The following NEDD4 variants were observed in gnomAD, a reference collection of about 807,000 sequenced individuals.
The protein encoded by NEDD4 is E3 ubiquitin-protein ligase NEDD4.
A neutral mutation model predicts 144.9 loss-of-function variants in NEDD4; 99 were observed. That is an observed-to-expected ratio of 0.68 (90% CI 0.58 to 0.81). NEDD4 has a LOEUF of 0.81. Ranked by LOEUF, NEDD4 falls within the 30% of genes least tolerant of loss-of-function variation. The pLI is 0.00. For synonymous variants in NEDD4, 318 were observed against 350.6 expected (o/e 0.91, Z 1.04); for missense variants, 985 against 1,065.9 (o/e 0.92, Z 1.06).
chr15:55,890,601 T>A (rs879107249), intron 5 of NEDD4, among the ~76,000 whole-genome samples: 3 of 152,240 alleles, frequency 2.0e-5, no homozygotes, highest in Non-Finnish European at 1.5e-5. Flanking sequence ...TTTGGGTTGT[T>A]TCAACTGTTT....
intron 19 of NEDD4, among the ~76,000 whole-genome samples, 198 bp downstream of exon 19, chr15:55,841,736 T>A (rs2033514396): frequency 6.6e-6 from 1 of 152,004 alleles, no homozygotes; most frequent in South Asian, 2.1e-4. Context: ...CACGCCTGGG[T>A]AAGTTTTTGT....
chr15:55,845,919 G>T (rs1443095269), intron 18 of NEDD4, among the ~76,000 whole-genome samples: 1 of 151,320 alleles, frequency 6.6e-6, no homozygotes, highest in African/African-American at 2.4e-5. Context: ...CGGAGTAGCC[G>T]GGATTAAAGG....
At chr15:55,984,033 T>C (rs1424679057) in intron 1 of NEDD4, among the ~76,000 whole-genome samples, 1 of 152,214 alleles carries the variant, frequency 6.6e-6, no homozygotes, top group African/African-American at 2.4e-5. Flanking sequence ...GTATATTCTA[T>C]ATCATTATAC....
intron 24 of NEDD4, among the ~76,000 whole-genome samples, chr15:55,836,190 G>A (rs2033184818): frequency 6.6e-6 from 1 of 151,950 alleles, no homozygotes; most frequent in Non-Finnish European, 1.5e-5. Context: ...CTTCTCTTCT[G>A]TGCTCACCTA....
intron 4 of NEDD4, among the ~76,000 whole-genome samples, chr15:55,940,420 A>C (rs2036976127): frequency 6.6e-6 from 1 of 152,044 alleles, no homozygotes; most frequent in African/African-American, 2.4e-5. Context: ...TAAATCAGTT[A>C]AAATTTTGTT....
At chr15:55,875,583 G>A (rs1373469705) in intron 5 of NEDD4, among the ~76,000 whole-genome samples, 1 of 152,096 alleles carries the variant, frequency 6.6e-6, no homozygotes, top group East Asian at 1.9e-4. Context: ...CTCCCAAAGT[G>A]CTGGGATTAC....
chr15:55,869,859 A>T (rs1377750025), intron 7 of NEDD4, among the ~76,000 whole-genome samples, 178 bp from the exon 8 acceptor site: 2 of 142,786 alleles, frequency 1.4e-5, no homozygotes, highest in Non-Finnish European at 3.1e-5. Context: ...AAAGGCAAAC[A>T]TATATAAATA....
chr15:55,981,122 A>C (rs556914268), intron 1 of NEDD4, among the ~76,000 whole-genome samples: 83 of 150,218 alleles, frequency 5.5e-4, no homozygotes, highest in Non-Finnish European at 8.7e-4. Flanking sequence ...CACTGCTCGC[A>C]ATGTCTACCT....
At chr15:55,956,328 A>C (rs905116912) in intron 2 of NEDD4, among the ~76,000 whole-genome samples, 3 of 152,148 alleles carry the variant, frequency 2.0e-5, no homozygotes, top group African/African-American at 7.2e-5. Context: ...GTTCCTTTCA[A>C]CATTTTTCTT....
chr15:55,849,359 G>C (rs2033885083), intron 14 of NEDD4, among the ~76,000 whole-genome samples: 1 of 152,060 alleles, frequency 6.6e-6, no homozygotes, highest in African/African-American at 2.4e-5. Flanking sequence ...TGAGTAGCTG[G>C]GATTACAGGC....
At chr15:55,859,246 C>T (rs1489747951) in intron 11 of NEDD4, among the ~76,000 whole-genome samples, 5 of 152,176 alleles carry the variant, frequency 3.3e-5, no homozygotes, top group South Asian at 2.1e-4. Flanking sequence ...AAGTTCTCAT[C>T]GTGGAAGCAT....
Position 55,915,492 on chromosome 15 carries a change from T to C in NEDD4, c.291+9154A>G, listed in dbSNP as rs750212142. ...TCTTCGTAAAATACCATGGTTTTTGTTCATCTGTGAATGTGGTCTTTCCAA... is the reference window on the plus strand; with the variant it reads ...TCTTCGTAAAATACCATGGTTTTTGCTCATCTGTGAATGTGGTCTTTCCAA... On this transcript the variant is annotated intron_variant, in intron 5 of 28. Transcript: ENST00000435532. 2 of 1,613,754 alleles carry C rather than the reference T, an allele frequency of 1.2e-6. No homozygotes were observed. Among genetic ancestry groups the C allele is most frequent in the Non-Finnish European group, 1.7e-6 (2 of 1,179,842 alleles).
rs1251028782 is a variant in NEDD4 at position 55,993,582 on chromosome 15, G to A, written c.-27C>T. The A allele has an allele frequency of 1.1e-5, 17 of 1,589,892 alleles. No individual in the cohort carries two copies. The highest frequency in any genetic ancestry group is 1.4e-5 in the Non-Finnish European group (16 of 1,170,978). On this transcript the variant is annotated 5_prime_UTR_variant, in exon 1 of 29. Transcript: ENST00000435532. ...TCCGAACGCTTCCAGCAAACCGGAC[G>A]CGCTCGCCCCCGCCCAGGGCAGGCA...
At chr15:55,988,630 A>T (rs2037937368) in intron 1 of NEDD4, among the ~76,000 whole-genome samples, 1 of 152,168 alleles carries the variant, frequency 6.6e-6, no homozygotes, top group African/African-American at 2.4e-5. Context: ...AGTAACATTT[A>T]TCAAAATTTG....
Position 55,847,676 on chromosome 15 carries a change from CTTT to C in NEDD4, c.1543-645_1543-643del, listed in dbSNP as rs149696600. Among the ~76,000 whole-genome samples the C allele has an allele frequency of 1.8e-3, 209 of 113,544 alleles. 1 individual carries two copies. The South Asian group carries it at 0.024, about 13-fold the overall frequency. The allele number at this position is 113,544 out of a possible 152,430, so 74.5% of individuals were successfully genotyped here. On this transcript the variant is annotated intron_variant, in intron 17 of 28. Coordinates refer to ENST00000435532, the MANE Select transcript of NEDD4 (RefSeq NM_006154.4). ...TTACAATGATTTCTTTTTCTTTTTC[CTTT>C]TTTTTTTTTTTTTTTGAGATGGAGT...
chr15:55,916,722 CT>C, intron 5 of NEDD4: 1 of 1,614,012 alleles, frequency 6.2e-7, no homozygotes, highest in East Asian at 2.2e-5. Context: ...CCGTGTTGGT[CT>C]TTTGAAGCAC....
chr15:55,993,543 C>T lies in NEDD4; in HGVS notation c.13G>A (p.Ala5Thr), dbSNP rs1171720370. 3.8e-6 allele frequency: 6 copies of T among 1,596,632 alleles called. No homozygotes were observed. Among genetic ancestry groups the T allele is most frequent in the Admixed American group, 3.4e-5 (2 of 58,100 alleles). The stretch of plus-strand genomic sequence containing the variant: ...TCCAGGAGCCCGAACACCTCCACCG[C>T]GCAAGTTGCCATTTCCGAACGCTTC... MATCAVEVFGLLEDE... is the reference protein window; with the variant it reads MATCTVEVFGLLEDE... Residue 5 changes from alanine (A) to threonine (T), a missense_variant, in exon 1 of 29, where the codon GCG becomes ACG. Coordinates refer to ENST00000435532, the MANE Select transcript of NEDD4 (RefSeq NM_006154.4).
At chr15:55,901,947 G>A (rs945104419) in intron 5 of NEDD4, among the ~76,000 whole-genome samples, 6 of 151,994 alleles carry the variant, frequency 3.9e-5, no homozygotes, top group Non-Finnish European at 5.9e-5. Flanking sequence ...CCAGGATTTG[G>A]AAAAGCTATA....
At chr15:55,919,049 A>G (rs1459610558) in intron 5 of NEDD4, among the ~76,000 whole-genome samples, 1 of 152,168 alleles carries the variant, frequency 6.6e-6, no homozygotes, top group Non-Finnish European at 1.5e-5. Flanking sequence ...AATGAACTCC[A>G]AGTATTTGGT....
Sources: allele counts gnomAD v4.1 joint callset (sites outside exome capture counted in the v4.1 genomes callset), GRCh38; gene constraint gnomAD v4.1.1; transcripts MANE v1.5; gene names NCBI Gene and HGNC (gene_info 2026-07-23, HGNC 2026-07-21).